The following INPP5B variants were observed in gnomAD, a reference collection of about 807,000 sequenced individuals.
INPP5B encodes the protein inositol polyphosphate-5-phosphatase B.
A neutral mutation model predicts 118.5 loss-of-function variants in INPP5B; 90 were observed. The observed-to-expected ratio is 0.76, with a 90% CI of 0.64 to 0.90. The LOEUF is 0.90. Among genes scored for constraint, INPP5B ranks in the 40% least tolerant of loss-of-function variants. The probability of loss-of-function intolerance (pLI) is 0.00; values close to 1 mark genes in which losing one functional copy is unlikely to be tolerated. For synonymous variants in INPP5B, 385 were observed against 418.9 expected, an observed-to-expected ratio of 0.92 and a Z score of 0.99; for missense variants, 984 against 1,125.6, an observed-to-expected ratio of 0.87 and a Z score of 1.80.
intron 6 of INPP5B, among the ~76,000 whole-genome samples, chr1:37,933,606 G>A (rs1216541700): frequency 6.6e-6 from 1 of 151,926 alleles, no homozygotes; most frequent in African/African-American, 2.4e-5. Flanking sequence ...TGTAATCCCA[G>A]CTACTCGGGA....
chr1:37,885,476 A>T (rs1018387899), intron 13 of INPP5B, 162 bp downstream of exon 13: 1 of 558,662 alleles, frequency 1.8e-6, no homozygotes, highest in African/African-American at 1.9e-5. Flanking sequence ...AAGTTAGGAA[A>T]CTAAATATTT....
intron 7 of INPP5B, among the ~76,000 whole-genome samples, chr1:37,898,299 CAG>C (rs1644198840): frequency 6.6e-6 from 1 of 152,090 alleles, no homozygotes; most frequent in Non-Finnish European, 1.5e-5. Context: ...AAATGAAGAA[CAG>C]GGGACTTTTT....
intron 7 of INPP5B, chr1:37,929,939 G>C (rs1475279117): frequency 6.6e-6 from 1 of 152,224 alleles, no homozygotes; most frequent in African/African-American, 2.4e-5. Context: ...TCGCCATGTT[G>C]GCCAGGCTGG....
intron 7 of INPP5B, among the ~76,000 whole-genome samples, chr1:37,920,963 G>A (rs1471870737): frequency 3.3e-5 from 5 of 151,932 alleles, no homozygotes; most frequent in South Asian, 2.1e-4. Context: ...AAAATCAGGC[G>A]GGCGTGGTGG....
At chr1:37,875,750 G>A in intron 16 of INPP5B, 34 bp from the exon 17 acceptor site, 1 of 1,515,624 alleles carries the variant, frequency 6.6e-7, no homozygotes, top group Non-Finnish European at 9.2e-7. Flanking sequence ...GAGTACCTTG[G>A]CTTCTGCCCA....
intron 7 of INPP5B, among the ~76,000 whole-genome samples, chr1:37,926,352 T>G (rs147912107): frequency 0.022 from 3,353 of 152,120 alleles, 126 homozygotes; most frequent in African/African-American, 0.077. Context: ...TGCAGTGGCG[T>G]GATCTCAGCC....
rs772988409 is a variant in INPP5B, at chr1:37,862,264, AGG to A, written c.*49_*50del. 107 of 652,156 alleles carry A rather than the reference AGG, an allele frequency of 1.6e-4. No individual in the cohort carries two copies. The East Asian group carries it at 4.1e-3, about 25-fold the overall frequency. The allele number at this position is 652,156 out of a possible 1,614,324, so 40.4% of individuals were successfully genotyped here. On this transcript the variant is annotated 3_prime_UTR_variant, in exon 24 of 24. Coordinates refer to ENST00000373024, the MANE Select transcript of INPP5B (RefSeq NM_005540.3). ...CTTAAGGCATCTCTTGAGCTGAAAC[AGG>A]TGGGGCTGGTAATTGGCAGCCTCAA...
At chr1:37,931,733 G>A in intron 7 of INPP5B, 180 bp downstream of exon 7, 2 of 1,576,034 alleles carry the variant, frequency 1.3e-6, no homozygotes, top group Non-Finnish European at 8.6e-7. Flanking sequence ...GCTTCCTCAA[G>A]CTCCTCATCC....
chr1:37,887,544 T>C (rs1643613250), intron 10 of INPP5B, 79 bp from the exon 11 acceptor site: 1 of 806,522 alleles, frequency 1.2e-6, no homozygotes, highest in South Asian at 1.6e-5. Flanking sequence ...TTTAGGTGCA[T>C]AAGCCCTAGC....
chr1:37,913,108 T>A (rs1426565777), intron 7 of INPP5B, among the ~76,000 whole-genome samples: 4 of 152,028 alleles, frequency 2.6e-5, no homozygotes, highest in African/African-American at 9.7e-5. Flanking sequence ...ATACAAAAAC[T>A]TAGCTGGGCG....
At chr1:37,936,937 C>T (rs183554314) in intron 6 of INPP5B, among the ~76,000 whole-genome samples, 1 of 152,158 alleles carries the variant, frequency 6.6e-6, no homozygotes, top group Admixed American at 6.6e-5. Flanking sequence ...AGGCAACGCT[C>T]TTATCCTCTC....
chr1:37,870,971 A>G (rs1450584907), intron 19 of INPP5B, among the ~76,000 whole-genome samples: 1 of 152,028 alleles, frequency 6.6e-6, no homozygotes, highest in Non-Finnish European at 1.5e-5. Context: ...CCTGGCCAAC[A>G]TGGCGAAACC....
intron 8 of INPP5B, among the ~76,000 whole-genome samples, 169 bp downstream of exon 8, chr1:37,891,189 T>TAAGAGC (rs1643823037): frequency 6.8e-6 from 1 of 147,822 alleles, no homozygotes; most frequent in African/African-American, 2.5e-5. Context: ...ATCATGCCAC[T>TAAGAGC]GAACTCCAGC....
intron 7 of INPP5B, among the ~76,000 whole-genome samples, chr1:37,901,856 G>A (rs1289061245): frequency 6.6e-6 from 1 of 151,918 alleles, no homozygotes; most frequent in Non-Finnish European, 1.5e-5. Context: ...CTCCTCTCCT[G>A]CTTCCCTACT....
At chr1:37,943,981 C>T (rs763632811) in intron 3 of INPP5B, 88 bp from the exon 4 acceptor site, 24 of 911,074 alleles carry the variant, frequency 2.6e-5, no homozygotes, top group Non-Finnish European at 3.3e-5. Flanking sequence ...CACACTCGCT[C>T]GTTGGTCCCT....
At chr1:37,898,381 C>T (rs1644201629) in intron 7 of INPP5B, among the ~76,000 whole-genome samples, 1 of 152,060 alleles carries the variant, frequency 6.6e-6, no homozygotes, top group South Asian at 2.1e-4. Context: ...CTTTCAAAAC[C>T]CACAGATTTT....
At chr1:37,933,899 T>TTTTATTTATTTA (rs140877171) in intron 6 of INPP5B, among the ~76,000 whole-genome samples, 6 of 134,946 alleles carry the variant, frequency 4.4e-5, no homozygotes, top group Admixed American at 1.6e-4. Context: ...TCAATTTTTA[T>TTTTATTTATTTA]TTTATTTATT....
intron 7 of INPP5B, among the ~76,000 whole-genome samples, chr1:37,926,413 T>C (rs886925541): frequency 2.9e-4 from 44 of 152,096 alleles, no homozygotes; most frequent in African/African-American, 1.1e-3. Flanking sequence ...GCCTCTCAAG[T>C]AGCTGGGATA....
chr1:37,899,281 C>A (rs1455210092), intron 7 of INPP5B, among the ~76,000 whole-genome samples: 1 of 151,824 alleles, frequency 6.6e-6, no homozygotes, highest in Non-Finnish European at 1.5e-5. Flanking sequence ...AATTCTGAGG[C>A]CAGACGCAGT....
Sources: gnomAD v4.1 joint callset for allele counts (sites outside exome capture counted in the v4.1 genomes callset) on GRCh38, gnomAD v4.1.1 for gene constraint, MANE v1.5 for transcripts, NCBI Gene and HGNC (gene_info 2026-07-23, HGNC 2026-07-21) for gene names.